The following IFT172 variants were observed in gnomAD, a reference collection of about 807,000 sequenced individuals.
IFT172 encodes the protein intraflagellar transport protein 172 homolog.
In IFT172, 164 loss-of-function variants were observed where a neutral mutation model predicts 248.9. The observed-to-expected ratio is 0.66, with a 90% CI of 0.58 to 0.75. The LOEUF (loss-of-function observed/expected upper bound fraction) is 0.75, where lower values mean the gene tolerates loss of function less well. Ranked by LOEUF, IFT172 falls within the 30% of genes least tolerant of loss-of-function variation. The pLI, the probability that IFT172 is intolerant of heterozygous loss-of-function variation, is 0.00. For missense variants in IFT172, 1,950 were observed against 2,192.4 expected (o/e 0.89, Z 2.21); for synonymous variants, 729 against 791.6 (o/e 0.92, Z 1.33).
intron 25 of IFT172, 151 bp downstream of exon 25, chr2:27,459,226 AG>A: frequency 5.2e-6 from 5 of 954,920 alleles, no homozygotes; most frequent in Non-Finnish European, 7.6e-6. Context: ...AAAATGGGAA[AG>A]TAAACTGTTC....
At chr2:27,479,703 G>C (rs1668220441) in intron 9 of IFT172, 99 bp from the exon 10 acceptor site, 6 of 842,870 alleles carry the variant, frequency 7.1e-6, no homozygotes, top group Non-Finnish European at 1.2e-5. Flanking sequence ...CTAGAGTCTA[G>C]AGAAGAGTTG....
At chr2:27,463,297 C>CAAG in intron 18 of IFT172, 116 bp from the exon 19 acceptor site, 1 of 925,820 alleles carries the variant, frequency 1.1e-6, no homozygotes, top group Non-Finnish European at 1.7e-6. Context: ...AATGTCTTGT[C>CAAG]ACTGGAGACA....
At chr2:27,446,558 G>C (rs1665122781) in intron 42 of IFT172, 1 of 511,246 alleles carries the variant, frequency 2.0e-6, no homozygotes, top group Non-Finnish European at 3.5e-6. Flanking sequence ...CTTTCGCCCA[G>C]GCTGGAGTGC....
chr2:27,461,615 T>TGGGTCAGCAGTATCCTAACTCCTCAC, intron 21 of IFT172, 98 bp from the exon 22 acceptor site: 2 of 1,524,676 alleles, frequency 1.3e-6, no homozygotes, highest in Non-Finnish European at 1.8e-6. Flanking sequence ...GGAATCCTCC[T>TGGGTCAGCAGTATCCTAACTCCTCAC]GGGTCAGCAG....
At chr2:27,461,691 A>G (rs757369585) in intron 21 of IFT172, 68 bp downstream of exon 21, 9 of 1,594,274 alleles carry the variant, frequency 5.6e-6, no homozygotes, top group Non-Finnish European at 7.7e-6. Context: ...GGCCTCCTTG[A>G]CAAAAGGAGG....
intron 7 of IFT172, among the ~76,000 whole-genome samples, chr2:27,481,594 T>A (rs1473334547): frequency 3.3e-5 from 5 of 150,832 alleles, no homozygotes; most frequent in Non-Finnish European, 7.4e-5. Context: ...CAGGCTGGAG[T>A]GCAGTGGCAC....
At chr2:27,480,927 A>C in intron 8 of IFT172, 119 bp downstream of exon 8, 1 of 742,930 alleles carries the variant, frequency 1.3e-6, no homozygotes, top group Non-Finnish European at 2.3e-6. Context: ...AAGCGCATGA[A>C]TTACATACAT....
chr2:27,486,152 ATTATACC>A (rs1461770972), intron 1 of IFT172: 1 of 167,234 alleles, frequency 6.0e-6, no homozygotes, highest in Non-Finnish European at 1.5e-5. Context: ...ATTTGAAACT[ATTATACC>A]TTATAAATAG....
chr2:27,445,126 ATGAACTGGGG>A lies in IFT172; in HGVS notation c.5069-31_5069-22del, dbSNP rs1298361077. 1 of 1,613,612 alleles carries A rather than the reference ATGAACTGGGG, an allele frequency of 6.2e-7. No homozygotes were observed. The highest frequency in any genetic ancestry group is 2.2e-5 in the East Asian group (1 of 44,870). On this transcript the variant is annotated intron_variant, in intron 46 of 47. Transcript: ENST00000260570. This position sits in a 1 kb window ranked among gnomAD's most constrained non-coding sequence, Gnocchi z 4.4. ...GTATCCTGTGGAGGAAGAAAAAATG[ATGAACTGGGG>A]TTTGAGAGAGATTGAGGAGGGAAAA...
At chr2:27,488,818 T>C (rs1668949181) in intron 1 of IFT172, among the ~76,000 whole-genome samples, 1 of 152,098 alleles carries the variant, frequency 6.6e-6, no homozygotes, top group African/African-American at 2.4e-5. Context: ...AAAGTACTGG[T>C]GGCCAGTCTG....
At chr2:27,482,912 C>G (rs1166386676) in intron 7 of IFT172, among the ~76,000 whole-genome samples, 3 of 151,986 alleles carry the variant, frequency 2.0e-5, no homozygotes, top group Non-Finnish European at 4.4e-5. Flanking sequence ...CTCTAGCTTC[C>G]TCTCTTAGTA....
At chr2:27,479,453 A>C in intron 10 of IFT172, 56 bp downstream of exon 10, 2 of 949,684 alleles carry the variant, frequency 2.1e-6, no homozygotes, top group Non-Finnish European at 3.5e-6. Context: ...GGGAAATGTT[A>C]TAAGGAGGAA....
chr2:27,475,314 C>T (rs1236805403), intron 14 of IFT172, among the ~76,000 whole-genome samples: 4 of 152,198 alleles, frequency 2.6e-5, no homozygotes, highest in African/African-American at 7.2e-5. Context: ...TATGATTTAG[C>T]AGTTCCATTC....
intron 18 of IFT172, among the ~76,000 whole-genome samples, chr2:27,464,050 G>A (rs534746921): frequency 6.6e-6 from 1 of 152,296 alleles, no homozygotes; most frequent in South Asian, 2.1e-4. Flanking sequence ...TGAATAGATG[G>A]TAGGGGTACA....
chr2:27,477,710 T>G, intron 11 of IFT172, 98 bp from the exon 12 acceptor site: 2 of 936,862 alleles, frequency 2.1e-6, no homozygotes, highest in Non-Finnish European at 3.5e-6. Context: ...AAGATATATT[T>G]ATGTAGGCTT....
intron 9 of IFT172, 53 bp from the exon 10 acceptor site, chr2:27,479,657 G>A (rs1668216009): frequency 8.9e-7 from 1 of 1,129,526 alleles, no homozygotes; most frequent in Non-Finnish European, 1.3e-6. Context: ...CACTGGCATG[G>A]GGAGAGTATC....
At chr2:27,465,711 C>T (rs567208474) in intron 17 of IFT172, 35 bp downstream of exon 17, 9 of 1,613,556 alleles carry the variant, frequency 5.6e-6, no homozygotes, top group African/African-American at 2.7e-5. Flanking sequence ...ACCAGACTCT[C>T]CCACCACCTC....
chr2:27,482,916 CTT>C (rs1199817718), intron 7 of IFT172, among the ~76,000 whole-genome samples: 2 of 151,622 alleles, frequency 1.3e-5, no homozygotes, highest in Non-Finnish European at 2.9e-5. Flanking sequence ...AGCTTCCTCT[CTT>C]AGTATCTCAA....
chr2:27,477,591 C>T lies in IFT172; in HGVS notation c.1189G>A (p.Gly397Ser), dbSNP rs920629119. The T allele has an allele frequency of 1.2e-6, 2 of 1,610,416 alleles. No homozygotes were observed. Among genetic ancestry groups the T allele is most frequent in the African/African-American group, 1.3e-5 (1 of 74,828 alleles). The change falls in exon 12 of 48, where the codon GGC (glycine) becomes AGC (serine). Residue 397 changes from glycine (G) to serine (S), a missense_variant. Transcript: ENST00000260570. ...LSEIAWQGSG[G>S]NEKYFFENEN... ...TTTTCAAAGAAATACTTCTCATTGCCACCAGATCCTTGCCAGGCTATCTGT... is the reference window on the plus strand; with the variant it reads ...TTTTCAAAGAAATACTTCTCATTGCTACCAGATCCTTGCCAGGCTATCTGT...
Sources: gnomAD v4.1 joint callset for allele counts (sites outside exome capture counted in the v4.1 genomes callset) on GRCh38, gnomAD v4.1.1 for gene constraint, Gnocchi (gnomAD v3.1) non-coding constraint, MANE v1.5 for transcripts, NCBI Gene and HGNC (gene_info 2026-07-23, HGNC 2026-07-21) for gene names.